Variants in GRIK3 observed in about 807,000 individuals in gnomAD.
The protein encoded by GRIK3 is glutamate ionotropic receptor kainate type subunit 3.
GRIK3 carries 29 observed loss-of-function variants against 102.5 expected under a neutral mutation model. The observed-to-expected ratio is 0.28, with a 90% CI of 0.21 to 0.39. The LOEUF is 0.39. Ranked by LOEUF, GRIK3 falls within the 10% of genes least tolerant of loss-of-function variation. The pLI is 1.00. For synonymous variants in GRIK3, 511 were observed against 504.9 expected, an observed-to-expected ratio of 1.01 and a Z score of -0.16; for missense variants, 908 against 1,252.4, an observed-to-expected ratio of 0.73 and a Z score of 4.15.
chr1:36,925,851 C>T (rs374838530), intron 1 of GRIK3, among the ~76,000 whole-genome samples: 105 of 152,328 alleles, frequency 6.9e-4, no homozygotes, highest in African/African-American at 2.3e-3. Context: ...TACCAATTAT[C>T]TTGGTCCCCA....
chr1:36,871,239 C>T (rs115143994), intron 4 of GRIK3, among the ~76,000 whole-genome samples: 31 of 152,274 alleles, frequency 2.0e-4, no homozygotes, highest in African/African-American at 6.5e-4. Flanking sequence ...CTTTTAAGTG[C>T]GGTGTAAAGG....
chr1:36,976,318 G>A (rs1231936578), intron 1 of GRIK3, among the ~76,000 whole-genome samples: 1 of 152,036 alleles, frequency 6.6e-6, no homozygotes, highest in Non-Finnish European at 1.5e-5. Context: ...GGTCCTACAG[G>A]GCATCTACGA....
intron 1 of GRIK3, among the ~76,000 whole-genome samples, chr1:36,913,702 C>T (rs1641370221): frequency 6.6e-6 from 1 of 152,150 alleles, no homozygotes; most frequent in South Asian, 2.1e-4. Flanking sequence ...CCCCACAGCC[C>T]CACCCCCAAT....
intron 5 of GRIK3, among the ~76,000 whole-genome samples, chr1:36,868,131 G>A (rs1319073275): frequency 1.3e-5 from 2 of 152,120 alleles, no homozygotes; most frequent in Non-Finnish European, 2.9e-5. Context: ...GGGATGGGGA[G>A]GGCTGCCATG....
Position 36,872,373 on chromosome 1 carries a change from A to G in GRIK3, c.551-4T>C. The G allele has an allele frequency of 6.3e-7, 1 of 1,584,600 alleles. No homozygotes were observed. The highest frequency in any genetic ancestry group is 1.1e-5 in the South Asian group (1 of 87,274). On this transcript the variant is annotated splice_region_variant and splice_polypyrimidine_tract_variant and intron_variant, in intron 3 of 15. Coordinates refer to ENST00000373091, the MANE Select transcript of GRIK3 (RefSeq NM_000831.4). The surrounding 1 kb of genome is among the most constrained non-coding windows in gnomAD (Gnocchi z 5.9). The stretch of plus-strand genomic sequence containing the variant: ...AGCTCCTGCAGTCGGATGAGCCCTG[A>G]GGGGCCATGGAGCACAAAAGACACA...
chr1:36,820,846 G>A (rs546443339), intron 11 of GRIK3, among the ~76,000 whole-genome samples: 3 of 152,294 alleles, frequency 2.0e-5, no homozygotes, highest in East Asian at 3.9e-4. Flanking sequence ...GCCACCTACT[G>A]CCTTCTAAGG....
At chr1:36,836,390 T>G (rs928634904) in intron 10 of GRIK3, among the ~76,000 whole-genome samples, 1 of 152,252 alleles carries the variant, frequency 6.6e-6, no homozygotes, top group Non-Finnish European at 1.5e-5. Context: ...GTGTCCCTCA[T>G]TCAGCGAGGC....
intron 1 of GRIK3, among the ~76,000 whole-genome samples, chr1:36,962,883 CA>C (rs57315084): frequency 0.22 from 15,901 of 73,846 alleles, 681 homozygotes; most frequent in Non-Finnish European, 0.29. Flanking sequence ...GACTCCCTCT[CA>C]AAAAAAAAAA....
chr1:36,847,906 C>G (rs1640536193), intron 9 of GRIK3, among the ~76,000 whole-genome samples: 1 of 152,200 alleles, frequency 6.6e-6, no homozygotes, highest in Non-Finnish European at 1.5e-5. Context: ...GGCTGTGGGA[C>G]AGATGGAGCT....
chr1:36,851,459 G>T (rs1640583955), intron 8 of GRIK3, among the ~76,000 whole-genome samples: 1 of 152,258 alleles, frequency 6.6e-6, no homozygotes, highest in Non-Finnish European at 1.5e-5. Flanking sequence ...CATCGAAGAG[G>T]CTCTTCTCTT....
At chr1:36,967,407 A>G (rs893183787) in intron 1 of GRIK3, among the ~76,000 whole-genome samples, 1 of 152,226 alleles carries the variant, frequency 6.6e-6, no homozygotes, top group Non-Finnish European at 1.5e-5. Context: ...CCCTCTGCTC[A>G]GGGATCACTC....
chr1:36,895,829 T>C (rs1256765159), intron 1 of GRIK3, among the ~76,000 whole-genome samples: 2 of 151,882 alleles, frequency 1.3e-5, no homozygotes, highest in Non-Finnish European at 2.9e-5. Flanking sequence ...AGGCATATCA[T>C]TTTCAAACAA....
chr1:36,957,562 GCT>G (rs1344778130), intron 1 of GRIK3, among the ~76,000 whole-genome samples: 4 of 130,548 alleles, frequency 3.1e-5, no homozygotes, highest in African/African-American at 1.2e-4. Flanking sequence ...GAGCCTGTGT[GCT>G]CTGTGAGTCT....
chr1:36,805,771 T>C (rs1570734431), intron 14 of GRIK3, among the ~76,000 whole-genome samples: 1 of 151,096 alleles, frequency 6.6e-6, no homozygotes, highest in African/African-American at 2.4e-5. Context: ...ACCCCGTCTC[T>C]ACTAAAAATA....
In GRIK3 at chr1:36,841,917, C is replaced by T. The variant is rs115314874; in HGVS notation, c.1349G>A (p.Arg450Gln). The change falls in exon 10 of 16, where the codon CGG (arginine) becomes CAG (glutamine). Residue 450 changes from arginine (R) to glutamine (Q), a missense_variant. Physicochemically the swap from Arg to Gln is conservative, Grantham distance 43. This residue lies in a region of GRIK3 where 585 missense variants were observed against 824.9 expected (regional missense o/e 0.71). Transcript: ENST00000373091. ...TVLEEPFVMF[R>Q]KSDRTLYGND... is the part of the protein sequence containing the mutation. Reference sequence around the variant, plus strand: ...CCCGTATAGCGTCCTGTCTGATTTCCGAAACATGACGAAGGGCTCCTCCTG... The same window carrying T: ...CCCGTATAGCGTCCTGTCTGATTTCTGAAACATGACGAAGGGCTCCTCCTG... 260 of 1,614,134 alleles carry T rather than the reference C, an allele frequency of 1.6e-4. 2 individuals are homozygous for T. The Admixed American group carries it at 3.4e-3, about 21-fold the overall frequency.
chr1:36,970,050 A>G (rs1050247423), intron 1 of GRIK3, among the ~76,000 whole-genome samples: 9 of 152,222 alleles, frequency 5.9e-5, no homozygotes, highest in Admixed American at 4.6e-4. Context: ...GCCAGGTGTG[A>G]TATCCAAAAA....
intron 7 of GRIK3, among the ~76,000 whole-genome samples, chr1:36,854,162 G>A (rs991486501): frequency 6.6e-6 from 1 of 152,144 alleles, no homozygotes; most frequent in South Asian, 2.1e-4. Context: ...AGGGGAGACC[G>A]AAATCACCCC....
intron 3 of GRIK3, among the ~76,000 whole-genome samples, chr1:36,877,588 G>A (rs1313034537): frequency 6.6e-6 from 1 of 152,168 alleles, no homozygotes. Flanking sequence ...ACCTTGCATA[G>A]CCAGCTACAC....
chr1:36,797,424 C>T lies in GRIK3; in HGVS notation c.*4427G>A, dbSNP rs2124168004. On this transcript the variant is annotated 3_prime_UTR_variant, in exon 16 of 16. Transcript: ENST00000373091. ...TTTTTACTCCAGGGCAAATCCAGGA[C>T]TGAAGGGAAGGCCTGATTTAAACTG... 1 of 152,224 alleles carries T rather than the reference C, an allele frequency of 6.6e-6. No homozygotes were observed. Among genetic ancestry groups the T allele is most frequent in the East Asian group, 1.9e-4 (1 of 5,178 alleles). 9.4% of individuals were successfully genotyped at this position (152,224 alleles called of 1,614,324 possible). A position where few individuals can be genotyped will look rare whatever the true frequency, so the allele number is the denominator to read the frequency against.
Sources: gnomAD v4.1 joint callset for allele counts (sites outside exome capture counted in the v4.1 genomes callset) on GRCh38, gnomAD v4.1.1 for gene constraint, gnomAD v4.1.1 regional missense constraint, Gnocchi (gnomAD v3.1) non-coding constraint, MANE v1.5 for transcripts, NCBI Gene and HGNC (gene_info 2026-07-23, HGNC 2026-07-21) for gene names.